The following DIAPH3 variants were observed in gnomAD, a reference collection of about 807,000 sequenced individuals.
DIAPH3 encodes protein diaphanous homolog 3.
DIAPH3 carries 117 observed loss-of-function variants against 144.3 expected under a neutral mutation model. The ratio of observed to expected loss-of-function variants is 0.81; its 90% CI spans 0.70 to 0.95. The LOEUF (loss-of-function observed/expected upper bound fraction) is 0.95, where lower values mean the gene tolerates loss of function less well. Among genes scored for constraint, DIAPH3 ranks in the 40% least tolerant of loss-of-function variants. DIAPH3 has a pLI of 0.00. For missense variants in DIAPH3, 1,421 were observed against 1,412.7 expected (o/e 1.01, Z -0.09); for synonymous variants, 519 against 488.9 (o/e 1.06, Z -0.81).
Position 60,012,888 on chromosome 13 carries a change from AATGTGTC to A in DIAPH3, c.772-2226_772-2220del, listed in dbSNP as rs545791055. The stretch of plus-strand genomic sequence containing the variant: ...CGTTCTCTGATTTTGGTAATGCAAA[AATGTGTC>A]ACACTCATTTTAAGACTGGAATGAG... On this transcript the variant is annotated intron_variant, in intron 7 of 27. Coordinates refer to ENST00000400324, the MANE Select transcript of DIAPH3 (RefSeq NM_001042517.2). 2.0e-4 allele frequency: 127 copies of A among 641,098 alleles called. No homozygotes were observed. In the African/African-American group the frequency reaches 2.5e-3, roughly 13 times the overall value. The allele number at this position is 641,098 out of a possible 1,614,324, so 39.7% of individuals were successfully genotyped here.
At chr13:59,695,580 A>G (rs911189570) in intron 27 of DIAPH3, 1 of 152,224 alleles carries the variant, frequency 6.6e-6, no homozygotes, top group Non-Finnish European at 1.5e-5. Flanking sequence ...AGAAAACTGT[A>G]AAAGCAACAT....
intron 27 of DIAPH3, among the ~76,000 whole-genome samples, chr13:59,740,635 A>C (rs1212381813): frequency 2.0e-5 from 3 of 152,230 alleles, no homozygotes; most frequent in Non-Finnish European, 4.4e-5. Flanking sequence ...AAGCAAACTT[A>C]ATTTTAACTT....
chr13:59,959,619 G>A (rs567077520), intron 17 of DIAPH3, among the ~76,000 whole-genome samples: 1 of 152,238 alleles, frequency 6.6e-6, no homozygotes, highest in East Asian at 1.9e-4. Context: ...GGCTATTGCT[G>A]GCTTTGATGA....
At chr13:59,729,063 G>A (rs1423987330) in intron 27 of DIAPH3, among the ~76,000 whole-genome samples, 2 of 152,196 alleles carry the variant, frequency 1.3e-5, no homozygotes, top group Non-Finnish European at 2.9e-5. Flanking sequence ...TTCTGGTGAA[G>A]TACACTGGAA....
At chr13:60,013,214 G>A (rs1280798459) in intron 7 of DIAPH3, 5 of 985,078 alleles carry the variant, frequency 5.1e-6, no homozygotes, top group Admixed American at 1.2e-4. Flanking sequence ...GGTTCCGCCT[G>A]CATTCCACAT....
chr13:60,149,394 C>T (rs1292158707), intron 1 of DIAPH3, among the ~76,000 whole-genome samples: 1 of 152,152 alleles, frequency 6.6e-6, no homozygotes, highest in Non-Finnish European at 1.5e-5. Context: ...TAAGCGAATG[C>T]TGTGGTATGT....
At chr13:60,075,211 T>G (rs555064436) in intron 4 of DIAPH3, among the ~76,000 whole-genome samples, 1 of 152,340 alleles carries the variant, frequency 6.6e-6, no homozygotes, top group South Asian at 2.1e-4. Flanking sequence ...CATGTGGATG[T>G]ATGACATTCA....
intron 20 of DIAPH3, among the ~76,000 whole-genome samples, chr13:59,881,611 A>G (rs1366705077): frequency 6.6e-6 from 1 of 152,176 alleles, no homozygotes; most frequent in Non-Finnish European, 1.5e-5. Flanking sequence ...TGTAGCCAGC[A>G]TAGAGTAATT....
intron 21 of DIAPH3, among the ~76,000 whole-genome samples, chr13:59,871,513 A>AT (rs2044278537): frequency 1.3e-5 from 2 of 151,936 alleles, no homozygotes; most frequent in African/African-American, 4.8e-5. Context: ...TGAATGTTAC[A>AT]TTTTTTCAAA....
At chr13:59,745,608 A>G (rs897637118) in intron 27 of DIAPH3, among the ~76,000 whole-genome samples, 2 of 152,208 alleles carry the variant, frequency 1.3e-5, no homozygotes, top group Admixed American at 1.3e-4. Context: ...ACACAGATTA[A>G]GTTAAACAGT....
intron 20 of DIAPH3, among the ~76,000 whole-genome samples, chr13:59,902,623 A>G (rs532523853): frequency 2.6e-5 from 4 of 152,184 alleles, no homozygotes; most frequent in Admixed American, 1.3e-4. Flanking sequence ...AAAATTCAAT[A>G]AATTTAGCCA....
chr13:59,810,167 G>A (rs1377643277), intron 25 of DIAPH3, among the ~76,000 whole-genome samples: 2 of 151,160 alleles, frequency 1.3e-5, no homozygotes, highest in East Asian at 1.9e-4. Flanking sequence ...TTTTCTTTTT[G>A]TTGTTTTTTT....
At chr13:60,138,056 G>T (rs537332978) in intron 1 of DIAPH3, among the ~76,000 whole-genome samples, 4 of 152,168 alleles carry the variant, frequency 2.6e-5, no homozygotes, top group African/African-American at 9.6e-5. Flanking sequence ...GGTTATGAGG[G>T]ATTACCAACA....
intron 1 of DIAPH3, among the ~76,000 whole-genome samples, chr13:60,157,255 T>C (rs935923698): frequency 6.6e-6 from 1 of 152,082 alleles, no homozygotes; most frequent in South Asian, 2.1e-4. Context: ...CCTTCCTATA[T>C]TCTTGCTCTG....
intron 19 of DIAPH3, among the ~76,000 whole-genome samples, chr13:59,915,134 G>A (rs117533849): frequency 6.6e-6 from 1 of 151,894 alleles, no homozygotes; most frequent in Admixed American, 6.6e-5. Context: ...TTTATTTAAG[G>A]AAGTTGGCAT....
chr13:59,873,234 T>C (rs1471754745), intron 21 of DIAPH3, among the ~76,000 whole-genome samples: 2 of 152,190 alleles, frequency 1.3e-5, no homozygotes, highest in African/African-American at 4.8e-5. Context: ...GTTGCCAAAA[T>C]TTACTGGTAT....
Position 60,020,425 on chromosome 13 carries a change from T to C in DIAPH3, c.627-4280A>G, listed in dbSNP as rs143390510. On this transcript the variant is annotated intron_variant, in intron 5 of 27. Coordinates refer to ENST00000400324, the MANE Select transcript of DIAPH3 (RefSeq NM_001042517.2). ...CTCTGTCGCCCAGGCTGGAGTACAG[T>C]GACACAATCATGTCTCACTGCCACC... is the stretch of plus-strand genomic sequence containing the variant. Among the ~76,000 whole-genome samples, 171 of 152,306 alleles carry C rather than the reference T, an allele frequency of 1.1e-3. 1 individual carries two copies. The highest frequency in any genetic ancestry group is 1.8e-3 in the Admixed American group (28 of 15,298).
At position 59,861,514 on chromosome 13, in the gene DIAPH3, TCTG is replaced by T; in HGVS notation, c.2627_2629del (p.Ala876del). On this transcript the variant is annotated inframe_deletion, in exon 22 of 28. Coordinates refer to ENST00000400324, the MANE Select transcript of DIAPH3 (RefSeq NM_001042517.2). ...GAAATGAAGTAGCGTTGTTTTCTGA[TCTG>T]CTGATTTTGTGTCCTTTAGCTAAAT... The T allele has an allele frequency of 6.2e-7, 1 of 1,613,744 alleles. No individual in the cohort carries two copies. Among genetic ancestry groups the T allele is most frequent in the Non-Finnish European group, 8.5e-7 (1 of 1,179,850 alleles).
intron 27 of DIAPH3, among the ~76,000 whole-genome samples, chr13:59,671,028 AT>A (rs1362901053): frequency 6.6e-6 from 1 of 152,170 alleles, no homozygotes; most frequent in East Asian, 1.9e-4. Context: ...TAGAAATCTT[AT>A]TATAATGTGT....
Sources: gnomAD v4.1 joint callset for allele counts (sites outside exome capture counted in the v4.1 genomes callset) on GRCh38, gnomAD v4.1.1 for gene constraint, MANE v1.5 for transcripts, NCBI Gene and HGNC (gene_info 2026-07-23, HGNC 2026-07-21) for gene names.